Variants in AK5 observed in about 807,000 individuals in gnomAD.
AK5 encodes the protein adenylate kinase 5.
In AK5, 27 loss-of-function variants were observed where a neutral mutation model predicts 69.5. The ratio of observed to expected loss-of-function variants is 0.39; its 90% CI spans 0.29 to 0.54. AK5 has a LOEUF of 0.54. AK5 is among the 20% of genes least tolerant of loss of function. The pLI is 0.71. For missense variants in AK5, 531 were observed against 700.4 expected, an observed-to-expected ratio of 0.76 and a Z score of 2.73; for synonymous variants, 260 against 244.4, an observed-to-expected ratio of 1.06 and a Z score of -0.60.
chr1:77,494,070 G>A (rs1656156627), intron 10 of AK5, among the ~76,000 whole-genome samples: 1 of 152,180 alleles, frequency 6.6e-6, no homozygotes, highest in South Asian at 2.1e-4. Context: ...AGGAATTTAG[G>A]ACTCATCTAG....
In AK5 at chr1:77,391,081, C is replaced by G. The variant is rs560525084; in HGVS notation, c.892-19900C>G. Among the ~76,000 whole-genome samples the G allele has an allele frequency of 5.9e-5, 9 of 152,232 alleles. No homozygotes were observed. In the East Asian group the frequency reaches 1.2e-3, roughly 20 times the overall value. ...ACAAGGTCTGTTGAGGGAGTTCTCTCAGAAGACACCTGTCATTGAGCGAAG... is the reference window on the plus strand; with the variant it reads ...ACAAGGTCTGTTGAGGGAGTTCTCTGAGAAGACACCTGTCATTGAGCGAAG... On this transcript the variant is annotated intron_variant, in intron 6 of 13. Transcript: ENST00000354567.
intron 13 of AK5, among the ~76,000 whole-genome samples, chr1:77,553,342 A>G (rs910585209): frequency 1.7e-4 from 26 of 152,192 alleles, no homozygotes; most frequent in African/African-American, 5.8e-4. Flanking sequence ...AATATCTACC[A>G]CTTGGTGAGG....
intron 6 of AK5, among the ~76,000 whole-genome samples, chr1:77,377,471 G>A (rs1647326492): frequency 6.6e-6 from 1 of 152,122 alleles, no homozygotes; most frequent in Non-Finnish European, 1.5e-5. Context: ...TGCTGCCACT[G>A]TTTTGATTTA....
intron 5 of AK5, among the ~76,000 whole-genome samples, chr1:77,331,830 T>G (rs1661100731): frequency 6.6e-6 from 1 of 152,212 alleles, no homozygotes; most frequent in African/African-American, 2.4e-5. Flanking sequence ...TATGGTTTTG[T>G]TTTTGTGAGA....
chr1:77,387,417 A>G (rs1648110282), intron 6 of AK5, among the ~76,000 whole-genome samples: 2 of 152,134 alleles, frequency 1.3e-5, no homozygotes, highest in African/African-American at 4.8e-5. Context: ...GTCACTGTAA[A>G]TTTCTAGAAT....
chr1:77,313,750 G>T, intron 5 of AK5: 1 of 503,296 alleles, frequency 2.0e-6, no homozygotes. Context: ...GGCAGCTGCT[G>T]CCGTGATTCT....
At chr1:77,361,879 CAT>C (rs557479491) in intron 6 of AK5, among the ~76,000 whole-genome samples, 1 of 152,194 alleles carries the variant, frequency 6.6e-6, no homozygotes, top group African/African-American at 2.4e-5. Flanking sequence ...CCTCCCAGGA[CAT>C]GTGGGAATTG....
chr1:77,340,198 C>T (rs1661576041), intron 5 of AK5, among the ~76,000 whole-genome samples, 179 bp from the exon 6 acceptor site: 1 of 152,168 alleles, frequency 6.6e-6, no homozygotes, highest in African/African-American at 2.4e-5. Context: ...ACATGGACTA[C>T]AGTGGGAATG....
At chr1:77,520,047 CA>C (rs1224966845) in intron 11 of AK5, among the ~76,000 whole-genome samples, 1 of 151,872 alleles carries the variant, frequency 6.6e-6, no homozygotes, top group Non-Finnish European at 1.5e-5. Flanking sequence ...ACTAAAACTA[CA>C]AAAAATTAGC....
At chr1:77,283,635 C>T in intron 1 of AK5, 2 of 985,130 alleles carry the variant, frequency 2.0e-6, no homozygotes, top group Non-Finnish European at 2.4e-6. Context: ...TGAACTCAAG[C>T]GTGGTATGTG....
At chr1:77,349,834 G>A (rs1010195) in intron 6 of AK5, among the ~76,000 whole-genome samples, 21,551 of 152,014 alleles carry the variant, frequency 0.14, 1,758 homozygotes, top group East Asian at 0.37. Context: ...CAAATCGAAC[G>A]TAAAACTGAG....
At chr1:77,367,570 TA>T (rs761594401) in intron 6 of AK5, among the ~76,000 whole-genome samples, 23,905 of 41,576 alleles carry the variant, frequency 0.57, 6,627 homozygotes, top group Non-Finnish European at 0.65. Context: ...TATATATATA[TA>T]TATATATAAT....
intron 3 of AK5, among the ~76,000 whole-genome samples, chr1:77,296,351 C>T (rs1349932705): frequency 2.0e-5 from 3 of 152,074 alleles, no homozygotes; most frequent in Non-Finnish European, 2.9e-5. Flanking sequence ...CAAAATTAAG[C>T]CCATTCTGGC....
At chr1:77,423,094 A>G (rs1465480423) in intron 8 of AK5, among the ~76,000 whole-genome samples, 4 of 151,774 alleles carry the variant, frequency 2.6e-5, no homozygotes, top group South Asian at 2.1e-4. Context: ...GGTGGTGGGC[A>G]CCTGTAGTCC....
intron 5 of AK5, among the ~76,000 whole-genome samples, chr1:77,337,970 T>TTTC (rs1553134843): frequency 1.3e-5 from 2 of 150,980 alleles, no homozygotes; most frequent in Middle Eastern, 6.9e-3. Flanking sequence ...TTTTTATTTT[T>TTTC]TTTTTTTTTT....
chr1:77,484,054 A>C (rs1655435133), intron 9 of AK5, among the ~76,000 whole-genome samples: 1 of 151,848 alleles, frequency 6.6e-6, no homozygotes, highest in Non-Finnish European at 1.5e-5. Context: ...AATCCCAGCT[A>C]CTCAGGAGGC....
chr1:77,325,248 G>T (rs570444706), intron 5 of AK5, among the ~76,000 whole-genome samples: 1 of 149,974 alleles, frequency 6.7e-6, no homozygotes, highest in African/African-American at 2.5e-5. Flanking sequence ...CTGGTGATCC[G>T]CCCACCTCGG....
At chr1:77,549,037 G>A (rs1006167872) in intron 13 of AK5, among the ~76,000 whole-genome samples, 5 of 150,048 alleles carry the variant, frequency 3.3e-5, no homozygotes, top group Admixed American at 1.3e-4. Flanking sequence ...CACCACACCC[G>A]TCTACTTTTT....
At chr1:77,413,893 A>G (rs1429094273) in intron 7 of AK5, among the ~76,000 whole-genome samples, 6 of 152,118 alleles carry the variant, frequency 3.9e-5, no homozygotes, top group Non-Finnish European at 8.8e-5. Context: ...AGAGCAACCC[A>G]TCAACACCCA....
Sources: gnomAD v4.1 joint callset for allele counts (sites outside exome capture counted in the v4.1 genomes callset) on GRCh38, gnomAD v4.1.1 for gene constraint, MANE v1.5 for transcripts, NCBI Gene and HGNC (gene_info 2026-07-23, HGNC 2026-07-21) for gene names.